The following HMGCLL1 variants were observed in gnomAD, a reference collection of about 807,000 sequenced individuals.
HMGCLL1 encodes the protein 3-hydroxymethyl-3-methylglutaryl-CoA lyase, cytoplasmic.
In HMGCLL1, 36 loss-of-function variants were observed where a neutral mutation model predicts 39.1. The ratio of observed to expected loss-of-function variants is 0.92; its 90% CI spans 0.71 to 1.22. The LOEUF (loss-of-function observed/expected upper bound fraction) is 1.22, where lower values mean the gene tolerates loss of function less well. Ranked by LOEUF, HMGCLL1 falls within the 50% of genes most tolerant of loss-of-function variation. The pLI, the probability that HMGCLL1 is intolerant of heterozygous loss-of-function variation, is 0.00. For missense variants in HMGCLL1, 451 were observed against 416.5 expected (o/e 1.08, Z -0.72); for synonymous variants, 149 against 144.0 (o/e 1.03, Z -0.25).
At chr6:55,672,064 G>A in the HMGCLL1 span, among the ~76,000 whole-genome samples, 1 of 151,466 alleles carries the variant, frequency 6.6e-6, no homozygotes, top group Non-Finnish European at 1.5e-5. Flanking sequence ...GGGAACCAGG[G>A]GACAGAGGAA....
chr6:55,580,105 A>C (rs1771947915), upstream of HMGCLL1, among the ~76,000 whole-genome samples: 3 of 152,096 alleles, frequency 2.0e-5, no homozygotes, highest in South Asian at 6.2e-4. Flanking sequence ...TGGCTGATGG[A>C]GCAAATGTAA....
chr6:55,603,946 A>G, the HMGCLL1 span, among the ~76,000 whole-genome samples: 1 of 152,156 alleles, frequency 6.6e-6, no homozygotes, highest in Non-Finnish European at 1.5e-5. Context: ...AGAAATGTAA[A>G]TTGATTTTAT....
At chr6:55,606,061 C>A in the HMGCLL1 span, among the ~76,000 whole-genome samples, 1 of 152,092 alleles carries the variant, frequency 6.6e-6, no homozygotes. Flanking sequence ...TTATCCAGTA[C>A]AAAGATCATT....
At chr6:55,439,758 G>A in intron 7 of HMGCLL1, 199 bp from the exon 8 acceptor site, 1 of 443,624 alleles carries the variant, frequency 2.3e-6, no homozygotes, top group East Asian at 3.4e-5. Flanking sequence ...GAGGCTAACA[G>A]AAATTCTGCT....
chr6:55,663,271 A>C, the HMGCLL1 span, among the ~76,000 whole-genome samples: 2 of 150,436 alleles, frequency 1.3e-5, no homozygotes, highest in Non-Finnish European at 3.0e-5. Flanking sequence ...TGCAGTTGCA[A>C]TGTTAGGTTG....
chr6:55,588,763 G>T, the HMGCLL1 span, among the ~76,000 whole-genome samples: 2 of 152,064 alleles, frequency 1.3e-5, no homozygotes, highest in Admixed American at 6.6e-5. Flanking sequence ...TACCATCAGA[G>T]AATATTATAA....
intron 7 of HMGCLL1, among the ~76,000 whole-genome samples, chr6:55,441,934 C>A (rs991603108): frequency 9.2e-5 from 14 of 151,982 alleles, no homozygotes; most frequent in African/African-American, 3.4e-4. Context: ...CAAGTGATCC[C>A]CCCTCCTCAG....
the HMGCLL1 span, among the ~76,000 whole-genome samples, chr6:55,675,287 A>G: frequency 2.6e-5 from 4 of 152,070 alleles, no homozygotes. Context: ...ATTTTATCCA[A>G]TCTATTCTTA....
intron 3 of HMGCLL1, among the ~76,000 whole-genome samples, chr6:55,517,355 C>T (rs888779044): frequency 6.6e-6 from 1 of 152,020 alleles, no homozygotes; most frequent in Admixed American, 6.6e-5. Flanking sequence ...ATAATCATCA[C>T]ACAGAGAAAT....
chr6:55,453,247 C>T (rs1405848717), intron 7 of HMGCLL1, among the ~76,000 whole-genome samples: 1 of 152,164 alleles, frequency 6.6e-6, no homozygotes, highest in Admixed American at 6.5e-5. Flanking sequence ...GGTGCAATCT[C>T]GGCTCACTGC....
the HMGCLL1 span, among the ~76,000 whole-genome samples, chr6:55,587,246 T>G: frequency 6.6e-6 from 1 of 152,092 alleles, no homozygotes; most frequent in African/African-American, 2.4e-5. Context: ...GGGTTGTTTG[T>G]TTTTTTCTTG....
chr6:55,543,584 TTA>T (rs140822698), intron 1 of HMGCLL1, among the ~76,000 whole-genome samples: 4,212 of 89,648 alleles, frequency 0.047, 129 homozygotes, highest in Non-Finnish European at 0.068. Flanking sequence ...ATTTATATAT[TTA>T]TATATATATA....
intron 5 of HMGCLL1, 78 bp downstream of exon 5, chr6:55,513,970 A>C: frequency 8.2e-7 from 1 of 1,224,918 alleles, no homozygotes; most frequent in Non-Finnish European, 1.2e-6. Flanking sequence ...TAAATGATAT[A>C]AGAATCTCTA....
chr6:55,650,044 T>C, the HMGCLL1 span, among the ~76,000 whole-genome samples: 1 of 139,822 alleles, frequency 7.2e-6, no homozygotes, highest in African/African-American at 2.6e-5. Flanking sequence ...TTTTGAATTC[T>C]CTGTCTGAAA....
chr6:55,600,900 C>A, the HMGCLL1 span, among the ~76,000 whole-genome samples: 1 of 151,994 alleles, frequency 6.6e-6, no homozygotes, highest in Non-Finnish European at 1.5e-5. Context: ...TACAAAAAAT[C>A]TGATAAGCAA....
At chr6:55,545,558 G>A (rs1485460415) in intron 1 of HMGCLL1, among the ~76,000 whole-genome samples, 1 of 152,082 alleles carries the variant, frequency 6.6e-6, no homozygotes. Context: ...CAGTCCATAT[G>A]TCATGCATTG....
intron 4 of HMGCLL1, 142 bp downstream of exon 4, chr6:55,516,366 T>C (rs1767735817): frequency 2.1e-6 from 1 of 465,376 alleles, no homozygotes; most frequent in Non-Finnish European, 3.8e-6. Flanking sequence ...TGTGAGGACT[T>C]GGAGCTCTAT....
the HMGCLL1 span, among the ~76,000 whole-genome samples, chr6:55,671,463 C>A: frequency 6.6e-6 from 1 of 151,746 alleles, no homozygotes; most frequent in African/African-American, 2.4e-5. Context: ...TCTAACAAGA[C>A]TTTTTACATG....
the HMGCLL1 span, among the ~76,000 whole-genome samples, chr6:55,615,248 T>C: frequency 5.3e-5 from 8 of 152,068 alleles, no homozygotes; most frequent in Non-Finnish European, 1.2e-4. Context: ...AATTATGCTA[T>C]GATTAAAAAC....
Sources: gnomAD v4.1 joint callset for allele counts (sites outside exome capture counted in the v4.1 genomes callset) on GRCh38, gnomAD v4.1.1 for gene constraint, MANE v1.5 for transcripts, NCBI Gene and HGNC (gene_info 2026-07-23, HGNC 2026-07-21) for gene names.